The following NCF2 variants were observed in gnomAD, a reference collection of about 807,000 sequenced individuals.
NCF2 encodes neutrophil cytosol factor 2.
Under a neutral mutation model 70.9 loss-of-function variants are expected in NCF2, and 45 were observed. The observed-to-expected ratio is 0.63, with a 90% CI of 0.50 to 0.81. The LOEUF (loss-of-function observed/expected upper bound fraction) is 0.81, where lower values mean the gene tolerates loss of function less well. Ranked by LOEUF, NCF2 falls within the 40% of genes least tolerant of loss-of-function variation. NCF2 has a pLI of 0.00. For synonymous variants in NCF2, 203 were observed against 233.6 expected (o/e 0.87, Z 1.19); for missense variants, 522 against 631.6 (o/e 0.83, Z 1.86).
At chr1:183,563,684 A>C in intron 11 of NCF2, 99 bp from the exon 12 acceptor site, 1 of 1,463,398 alleles carries the variant, frequency 6.8e-7, no homozygotes, top group South Asian at 1.2e-5. Flanking sequence ...GGGGGTACCC[A>C]ATACAGCAGG....
At chr1:183,568,955 T>G (rs545730713) in intron 7 of NCF2, among the ~76,000 whole-genome samples, 187 bp downstream of exon 7, 22 of 152,296 alleles carry the variant, frequency 1.4e-4, no homozygotes, top group Admixed American at 1.4e-3. Flanking sequence ...CTTTCTAGCC[T>G]GACATTCTAG....
chr1:183,597,394 G>A, the NCF2 span, among the ~76,000 whole-genome samples: 26 of 152,160 alleles, frequency 1.7e-4, no homozygotes, highest in East Asian at 3.8e-4. Flanking sequence ...AACTGATCAC[G>A]TCATTGTACA....
At position 183,586,550 on chromosome 1, in the gene NCF2, C is replaced by T. The variant is rs531881293; in HGVS notation, c.257+345G>A. On this transcript the variant is annotated intron_variant, in intron 2 of 14. Coordinates refer to ENST00000367535, the MANE Select transcript of NCF2 (RefSeq NM_000433.4). ...GTTTTGATGCAGTTTCATGATCATC[C>T]CCATTCTGTGACAGCTCAGTACCTC... Among the ~76,000 whole-genome samples, 35 of 152,210 alleles carry T rather than the reference C, an allele frequency of 2.3e-4. No individual in the cohort carries two copies. The East Asian group carries it at 6.8e-3, about 29-fold the overall frequency.
At chr1:183,563,404 A>T in intron 12 of NCF2, 30 bp downstream of exon 12, 1 of 1,613,996 alleles carries the variant, frequency 6.2e-7, no homozygotes, top group Non-Finnish European at 8.5e-7. Flanking sequence ...TTCCCACTGT[A>T]CCCCTCACAG....
intron 2 of NCF2, among the ~76,000 whole-genome samples, chr1:183,579,901 C>T (rs1366545430): frequency 6.6e-6 from 1 of 152,106 alleles, no homozygotes; most frequent in Non-Finnish European, 1.5e-5. Context: ...TTCTTTAGCT[C>T]TAACACTCTA....
At position 183,566,965 on chromosome 1, in the gene NCF2, G is replaced by C; in HGVS notation, c.879C>G (p.Tyr293Ter). 4 of 1,614,190 alleles carry C rather than the reference G, an allele frequency of 2.5e-6. No homozygotes were observed. The highest frequency in any genetic ancestry group is 3.4e-6 in the Non-Finnish European group (4 of 1,180,052). Residue 293 changes from tyrosine to a stop codon, truncating the protein, a stop_gained, in exon 9 of 15, where the codon TAC (tyrosine) becomes TAG (stop). Coordinates refer to ENST00000367535, the MANE Select transcript of NCF2 (RefSeq NM_000433.4). LOFTEE classifies it high-confidence loss of function. Reference sequence around the variant, plus strand: ...GGATCCGCAGCTCAACTGGTTCAAGGTAGTTGCAGGGAACAAGCCCCTTCT... The same window carrying C: ...GGATCCGCAGCTCAACTGGTTCAAGCTAGTTGCAGGGAACAAGCCCCTTCT... The part of the protein sequence containing the change: ...NGQKGLVPCN[Y>*]LEPVELRIHP...
At chr1:183,583,148 G>A (rs923586760) in intron 2 of NCF2, among the ~76,000 whole-genome samples, 3 of 152,064 alleles carry the variant, frequency 2.0e-5, no homozygotes, top group African/African-American at 7.2e-5. Flanking sequence ...TGCCTCCCAG[G>A]TCCAAGCTAT....
Position 183,566,946 on chromosome 1 carries a change from G to T in NCF2, c.898C>A (p.Arg300=). 6.2e-7 allele frequency: 1 copy of T among 1,614,146 alleles called. No individual in the cohort carries two copies. The highest frequency in any genetic ancestry group is 1.3e-5 in the African/African-American group (1 of 75,056). The part of the protein sequence containing the change: ...PCNYLEPVEL[R]IHPQQQPQEE... ...TGGGGCTGCTGCTGAGGGTGGATCCGCAGCTCAACTGGTTCAAGGTAGTTG... is the reference window on the plus strand; with the variant it reads ...TGGGGCTGCTGCTGAGGGTGGATCCTCAGCTCAACTGGTTCAAGGTAGTTG... The change falls in exon 9 of 15, where the codon CGG becomes AGG. Residue 300 remains arginine (R), a synonymous_variant. Coordinates refer to ENST00000367535, the MANE Select transcript of NCF2 (RefSeq NM_000433.4).
Position 183,566,955 on chromosome 1 carries a change from C to T in NCF2, c.889G>A (p.Val297Ile). The T allele has an allele frequency of 6.2e-7, 1 of 1,614,200 alleles. No individual in the cohort carries two copies. Reference protein sequence around the residue: ...GLVPCNYLEPVELRIHPQQQP... With the variant: ...GLVPCNYLEPIELRIHPQQQP... ...TGCTGAGGGTGGATCCGCAGCTCAACTGGTTCAAGGTAGTTGCAGGGAACA... is the reference window on the plus strand; with the variant it reads ...TGCTGAGGGTGGATCCGCAGCTCAATTGGTTCAAGGTAGTTGCAGGGAACA... Residue 297 changes from valine to isoleucine, a missense_variant, in exon 9 of 15, where the codon GTT becomes ATT. Coordinates refer to ENST00000367535, the MANE Select transcript of NCF2 (RefSeq NM_000433.4).
intron 7 of NCF2, 21 bp from the exon 8 acceptor site, chr1:183,567,366 A>T: frequency 1.2e-6 from 2 of 1,613,558 alleles, no homozygotes; most frequent in Non-Finnish European, 1.7e-6. Flanking sequence ...TAGACACAAG[A>T]TCCAGCCCCC....
At chr1:183,590,594 G>T, upstream of NCF2, 1 of 530,234 alleles carries the variant, frequency 1.9e-6, no homozygotes, top group Non-Finnish European at 3.4e-6. Flanking sequence ...GGGCGAGTAG[G>T]GGTGGAGTGT....
chr1:183,561,779 C>CTTTTTTTTTTTT (rs57218247), intron 13 of NCF2, among the ~76,000 whole-genome samples: 1 of 65,162 alleles, frequency 1.5e-5, no homozygotes, highest in Non-Finnish European at 2.7e-5. Context: ...TACCAGGCCT[C>CTTTTTTTTTTTT]TTTTTTTTTT....
At chr1:183,558,667 C>T (rs973187429) in intron 14 of NCF2, among the ~76,000 whole-genome samples, 4 of 151,950 alleles carry the variant, frequency 2.6e-5, no homozygotes, top group East Asian at 1.9e-4. Context: ...CGGGTTCAAG[C>T]GATTCTCTTG....
intron 2 of NCF2, 53 bp from the exon 3 acceptor site, chr1:183,577,760 CA>C: frequency 7.8e-7 from 1 of 1,285,632 alleles, no homozygotes. Flanking sequence ...GAAATAAATG[CA>C]GCATAAAATG....
intron 2 of NCF2, among the ~76,000 whole-genome samples, chr1:183,579,655 C>T (rs949661664): frequency 1.4e-5 from 2 of 141,002 alleles, no homozygotes; most frequent in Non-Finnish European, 3.0e-5. Flanking sequence ...AGGAGAATGG[C>T]ATGAACCCAG....
intron 8 of NCF2, 103 bp downstream of exon 8, chr1:183,567,101 A>ACTTG: frequency 6.2e-7 from 1 of 1,606,696 alleles, no homozygotes; most frequent in Non-Finnish European, 8.5e-7. Context: ...AGACAAAAGA[A>ACTTG]CTTGGCTGGT....
At chr1:183,594,670 G>A (rs990932986), upstream of NCF2, among the ~76,000 whole-genome samples, 1 of 152,054 alleles carries the variant, frequency 6.6e-6, no homozygotes, top group Non-Finnish European at 1.5e-5. Flanking sequence ...GTTTCATCTC[G>A]ATATTTTCAA....
At chr1:183,599,480 TTC>T in the NCF2 span, among the ~76,000 whole-genome samples, 49 of 134,262 alleles carry the variant, frequency 3.6e-4, no homozygotes, top group African/African-American at 1.0e-3. Context: ...CTTTCTTTCT[TTC>T]TCTTTTCTTT....
At chr1:183,574,746 G>C (rs746333694) in intron 3 of NCF2, 125 bp from the exon 4 acceptor site, 68 of 1,175,786 alleles carry the variant, frequency 5.8e-5, no homozygotes, top group Non-Finnish European at 8.3e-5. Context: ...AGCTCTCCTG[G>C]GAATATCTAA....
Sources: allele counts gnomAD v4.1 joint callset (sites outside exome capture counted in the v4.1 genomes callset), GRCh38; gene constraint gnomAD v4.1.1; transcripts MANE v1.5; gene names NCBI Gene and HGNC (gene_info 2026-07-23, HGNC 2026-07-21).